Variants in CUTC observed in about 807,000 individuals in gnomAD.
CUTC encodes the protein cutC copper transporter, also known as copper homeostasis protein cutC homolog.
In CUTC, 27 loss-of-function variants were observed where a neutral mutation model predicts 36.2. The ratio of observed to expected loss-of-function variants is 0.75; its 90% CI spans 0.55 to 1.03. CUTC has a LOEUF of 1.03. Ranked by LOEUF, CUTC falls within the 50% of genes least tolerant of loss-of-function variation. CUTC has a pLI of 0.00. For synonymous variants in CUTC, 114 were observed against 118.3 expected, an observed-to-expected ratio of 0.96 and a Z score of 0.24; for missense variants, 315 against 343.5, an observed-to-expected ratio of 0.92 and a Z score of 0.66.
At chr10:99,732,459 C>T (rs1309935691) in intron 1 of CUTC, 50 bp downstream of exon 1, 2 of 1,546,994 alleles carry the variant, frequency 1.3e-6, no homozygotes, top group Admixed American at 2.0e-5. Context: ...CTCCCCGGGG[C>T]GGGCCGGCGG....
rs1251812594 is a variant in CUTC, at chr10:99,754,487, A to G, written c.602-42A>G. On this transcript the variant is annotated intron_variant, in intron 7 of 8. Transcript: ENST00000370476. ...GTTACTATTCCTTAAATTTTATGCA[A>G]AATTCTATTTTACTTAATGTGTTAC... 2.3e-6 allele frequency: 3 copies of G among 1,331,600 alleles called. No homozygotes were observed. In the South Asian group the frequency reaches 3.7e-5, roughly 16 times the overall value. 82.5% of individuals were successfully genotyped at this position (1,331,600 alleles called of 1,614,324 possible).
intron 5 of CUTC, among the ~76,000 whole-genome samples, chr10:99,746,340 A>G (rs1318809800): frequency 2.0e-5 from 3 of 152,086 alleles, no homozygotes; most frequent in Admixed American, 6.5e-5. Flanking sequence ...GAGGGGAACA[A>G]CACACACTGG....
intron 8 of CUTC, 105 bp from the exon 9 acceptor site, chr10:99,755,520 T>C (rs768955452): frequency 3.0e-5 from 21 of 692,718 alleles, no homozygotes; most frequent in Non-Finnish European, 4.6e-5. Context: ...TAGTCCAGCA[T>C]ACTTGACCTA....
intron 4 of CUTC, among the ~76,000 whole-genome samples, chr10:99,743,723 A>G (rs1303621893): frequency 1.3e-5 from 2 of 152,340 alleles, no homozygotes; most frequent in African/African-American, 2.4e-5. Context: ...CAAACTACCT[A>G]TGTTACTAAA....
Position 99,737,418 on chromosome 10 carries a change from A to G in CUTC, c.133+1101A>G, listed in dbSNP as rs73345168. Among the ~76,000 whole-genome samples, 1,076 of 152,300 alleles carry G rather than the reference A, an allele frequency of 7.1e-3. 3 individuals are homozygous for G. Among genetic ancestry groups the G allele is most frequent in the African/African-American group, 0.024 (978 of 41,560 alleles). ...AAATACAACATATGATTCCATTTAT[A>G]TATATCCAAAATAGGTAAGTTTATG... On this transcript the variant is annotated intron_variant, in intron 2 of 8. Coordinates refer to ENST00000370476, the MANE Select transcript of CUTC (RefSeq NM_015960.3).
chr10:99,742,923 A>T (rs983190977), intron 3 of CUTC, among the ~76,000 whole-genome samples: 1 of 152,232 alleles, frequency 6.6e-6, no homozygotes, highest in Non-Finnish European at 1.5e-5. Flanking sequence ...GTTCTGAGTC[A>T]TAAGGATTTT....
chr10:99,753,000 C>T (rs533162257), intron 7 of CUTC, among the ~76,000 whole-genome samples: 19 of 152,098 alleles, frequency 1.2e-4, no homozygotes, highest in Non-Finnish European at 1.9e-4. Flanking sequence ...GGTAGTTGCC[C>T]TCTAGGAACT....
At chr10:99,732,989 A>G (rs1310316355) in intron 1 of CUTC, among the ~76,000 whole-genome samples, 1 of 152,096 alleles carries the variant, frequency 6.6e-6, no homozygotes, top group Non-Finnish European at 1.5e-5. Context: ...GTTATCAAGA[A>G]TCCTCAAAGA....
chr10:99,732,297 G>C lies in CUTC; in HGVS notation c.-52G>C, dbSNP rs2037200762. 9 of 1,548,882 alleles carry C rather than the reference G, an allele frequency of 5.8e-6. No individual in the cohort carries two copies. The highest frequency in any genetic ancestry group is 7.9e-6 in the Non-Finnish European group (9 of 1,146,120). ...CGCTTCTTAGCTGGTGCGCGCCGGA[G>C]CCCAAATTCCAAGTGGAAACTGCAG... On this transcript the variant is annotated 5_prime_UTR_variant, in exon 1 of 9. Coordinates refer to ENST00000370476, the MANE Select transcript of CUTC (RefSeq NM_015960.3).
intron 8 of CUTC, 27 bp from the exon 9 acceptor site, chr10:99,755,597 AT>A (rs1325310815): frequency 1.4e-6 from 2 of 1,450,022 alleles, no homozygotes; most frequent in Admixed American, 3.4e-5. Context: ...TAACATAATT[AT>A]CTGTTCCTTT....
At chr10:99,736,777 T>C (rs887839934) in intron 2 of CUTC, among the ~76,000 whole-genome samples, 3 of 152,100 alleles carry the variant, frequency 2.0e-5, no homozygotes, top group Admixed American at 6.6e-5. Flanking sequence ...AATAAACATA[T>C]ACAAAAGTAG....
intron 1 of CUTC, 55 bp downstream of exon 1, chr10:99,732,464 C>A (rs903769876): frequency 1.3e-6 from 2 of 1,547,054 alleles, no homozygotes; most frequent in Non-Finnish European, 1.7e-6. Context: ...CGGGGCGGGC[C>A]GGCGGGAGTC....
At chr10:99,736,821 C>T (rs2133662874) in intron 2 of CUTC, among the ~76,000 whole-genome samples, 1 of 152,244 alleles carries the variant, frequency 6.6e-6, no homozygotes, top group East Asian at 1.9e-4. Context: ...ATGTATGCAT[C>T]ACTCATCTTC....
intron 1 of CUTC, 182 bp downstream of exon 1, chr10:99,732,591 G>C: frequency 7.0e-7 from 1 of 1,436,234 alleles, no homozygotes; most frequent in African/African-American, 1.4e-5. Context: ...ACGAGGGGCA[G>C]GTAGCGAGAA....
chr10:99,738,244 G>A (rs1324227235), intron 2 of CUTC, among the ~76,000 whole-genome samples: 2 of 151,898 alleles, frequency 1.3e-5, no homozygotes. Flanking sequence ...CATAAATAAT[G>A]TGGAATTATT....
chr10:99,750,142 G>GA lies in CUTC; in HGVS notation c.574-223dup, dbSNP rs1369395749. ...GGAGAAAATGGCACTTATTGGGGGG[G>GA]AAAATGACTTTTTGGAAAGATAATT... On this transcript the variant is annotated intron_variant, in intron 6 of 8. Transcript: ENST00000370476. 2.6e-5 allele frequency among the ~76,000 whole-genome samples: 4 copies of GA among 152,074 alleles called. No homozygotes were observed. In the East Asian group the frequency reaches 7.7e-4, roughly 29 times the overall value.
chr10:99,736,164 A>G (rs1021118285), intron 1 of CUTC, 82 bp from the exon 2 acceptor site: 8 of 1,099,592 alleles, frequency 7.3e-6, no homozygotes, highest in Middle Eastern at 2.0e-4. Context: ...GCATTTTGGC[A>G]GCAGAATGTA....
At chr10:99,735,067 A>G (rs549404187) in intron 1 of CUTC, among the ~76,000 whole-genome samples, 6 of 133,508 alleles carry the variant, frequency 4.5e-5, no homozygotes, top group African/African-American at 1.7e-4. Context: ...ATGCCACTGC[A>G]CTCTAGCCTG....
chr10:99,738,638 C>G (rs984993494), intron 2 of CUTC, among the ~76,000 whole-genome samples: 1 of 152,154 alleles, frequency 6.6e-6, no homozygotes, highest in Non-Finnish European at 1.5e-5. Context: ...ACATAGTCCT[C>G]TGACCACTGT....
Sources: gnomAD v4.1 joint callset for allele counts (sites outside exome capture counted in the v4.1 genomes callset) on GRCh38, gnomAD v4.1.1 for gene constraint, MANE v1.5 for transcripts, NCBI Gene and HGNC (gene_info 2026-07-23, HGNC 2026-07-21) for gene names.